Variants in KCNH8 observed in about 807,000 individuals in gnomAD.
The protein encoded by KCNH8 is potassium voltage-gated channel subfamily H member 8, also known as voltage-gated delayed rectifier potassium channel KCNH8.
Under a neutral mutation model 103.6 loss-of-function variants are expected in KCNH8, and 70 were observed. That is an observed-to-expected ratio of 0.68 (90% CI 0.56 to 0.82). The LOEUF is 0.82. KCNH8 is among the 40% of genes least tolerant of loss of function. The probability of loss-of-function intolerance (pLI) is 0.00; values close to 1 mark genes in which losing one functional copy is unlikely to be tolerated. For synonymous variants in KCNH8, 498 were observed against 489.4 expected (o/e 1.02, Z -0.23); for missense variants, 1,217 against 1,329.9 (o/e 0.92, Z 1.32).
At chr3:19,508,652 C>A (rs1553607048) in intron 11 of KCNH8, among the ~76,000 whole-genome samples, 1 of 152,126 alleles carries the variant, frequency 6.6e-6, no homozygotes, top group Non-Finnish European at 1.5e-5. Flanking sequence ...TCTTACTACT[C>A]AAAATGTGTC....
intron 2 of KCNH8, among the ~76,000 whole-genome samples, chr3:19,267,969 A>G (rs2064536229): frequency 1.3e-5 from 2 of 152,162 alleles, no homozygotes; most frequent in Non-Finnish European, 2.9e-5. Flanking sequence ...ATATGTGCTC[A>G]GTAAGTGTTA....
chr3:19,377,013 A>G (rs567228854), intron 5 of KCNH8, among the ~76,000 whole-genome samples: 1 of 152,362 alleles, frequency 6.6e-6, no homozygotes, highest in Admixed American at 6.5e-5. Flanking sequence ...GAGGGTAGAC[A>G]GAATGTCCTT....
intron 11 of KCNH8, among the ~76,000 whole-genome samples, chr3:19,472,593 G>C (rs1257904861): frequency 6.6e-6 from 1 of 152,092 alleles, no homozygotes; most frequent in Admixed American, 6.6e-5. Flanking sequence ...AGCCATGTGG[G>C]ACTGTAAGTC....
At position 19,532,367 on chromosome 3, in the gene KCNH8, G is replaced by A. The variant is rs78160851; in HGVS notation, c.2620-1028G>A. On this transcript the variant is annotated intron_variant, in intron 15 of 15. Transcript: ENST00000328405. Reference sequence around the variant, plus strand: ...CCCTGCAGTGCTTATCTCTACTTACGCACCTTGCAGGTCTTTTTCTTTCTT... The same window carrying A: ...CCCTGCAGTGCTTATCTCTACTTACACACCTTGCAGGTCTTTTTCTTTCTT... 3.5e-3 allele frequency among the ~76,000 whole-genome samples: 533 copies of A among 152,210 alleles called. 7 individuals are homozygous for A. The highest frequency in any genetic ancestry group is 0.012 in the African/African-American group (509 of 41,552).
intron 1 of KCNH8, among the ~76,000 whole-genome samples, chr3:19,212,459 A>C (rs2063780322): frequency 6.6e-6 from 1 of 152,330 alleles, no homozygotes; most frequent in South Asian, 2.1e-4. Context: ...CACAGCCAGC[A>C]CTATGTATTT....
intron 5 of KCNH8, among the ~76,000 whole-genome samples, chr3:19,371,736 G>C (rs1477799900): frequency 8.1e-6 from 1 of 124,188 alleles, no homozygotes; most frequent in African/African-American, 3.6e-5. Flanking sequence ...GGGTTTTTAT[G>C]GTTTTAGGTC....
At chr3:19,229,682 C>T (rs2125237157) in intron 1 of KCNH8, among the ~76,000 whole-genome samples, 1 of 152,328 alleles carries the variant, frequency 6.6e-6, no homozygotes, top group East Asian at 1.9e-4. Flanking sequence ...TTCCCCTCCT[C>T]ATCTCCATCT....
chr3:19,222,612 A>G (rs770968936), intron 1 of KCNH8, among the ~76,000 whole-genome samples: 18 of 152,326 alleles, frequency 1.2e-4, no homozygotes, highest in Middle Eastern at 3.4e-3. Flanking sequence ...AGTGTGACAA[A>G]TAATACAAGC....
chr3:19,244,186 C>T (rs2064176227), intron 1 of KCNH8, among the ~76,000 whole-genome samples: 1 of 152,122 alleles, frequency 6.6e-6, no homozygotes, highest in African/African-American at 2.4e-5. Context: ...GTCACTTTCT[C>T]CTTAACTCTT....
At chr3:19,328,058 T>G (rs1029963496) in intron 3 of KCNH8, among the ~76,000 whole-genome samples, 7 of 152,188 alleles carry the variant, frequency 4.6e-5, no homozygotes, top group Admixed American at 2.0e-4. Context: ...CCATTACTTT[T>G]CCTAGAAGAA....
At chr3:19,396,965 G>C (rs759700223) in intron 7 of KCNH8, among the ~76,000 whole-genome samples, 21 of 151,762 alleles carry the variant, frequency 1.4e-4, no homozygotes, top group Admixed American at 3.9e-4. Context: ...TGTAAGTCTC[G>C]TCTGGTCTGA....
At chr3:19,468,559 TGAG>T (rs2067790578) in intron 11 of KCNH8, among the ~76,000 whole-genome samples, 1 of 152,172 alleles carries the variant, frequency 6.6e-6, no homozygotes, top group African/African-American at 2.4e-5. Context: ...AAAAGCAACA[TGAG>T]GAATTTAAGC....
At chr3:19,198,491 G>C (rs975620015) in intron 1 of KCNH8, among the ~76,000 whole-genome samples, 2 of 152,064 alleles carry the variant, frequency 1.3e-5, no homozygotes, top group Non-Finnish European at 2.9e-5. Flanking sequence ...TTAAAAAAAA[G>C]ATTTGGACCC....
intron 1 of KCNH8, among the ~76,000 whole-genome samples, chr3:19,239,561 A>G (rs2064108811): frequency 6.6e-6 from 1 of 152,180 alleles, no homozygotes; most frequent in Non-Finnish European, 1.5e-5. Context: ...ATATTTATTT[A>G]AAATATTAAT....
At chr3:19,271,636 A>G (rs1179442625) in intron 2 of KCNH8, among the ~76,000 whole-genome samples, 1 of 152,174 alleles carries the variant, frequency 6.6e-6, no homozygotes, top group Non-Finnish European at 1.5e-5. Flanking sequence ...TGCATATAAT[A>G]CTTCACAGCT....
chr3:19,321,185 G>T (rs2065345594), intron 3 of KCNH8, among the ~76,000 whole-genome samples: 1 of 151,700 alleles, frequency 6.6e-6, no homozygotes, highest in African/African-American at 2.4e-5. Flanking sequence ...ATTTTATTTA[G>T]TTCTGCCCTG....
intron 7 of KCNH8, among the ~76,000 whole-genome samples, chr3:19,424,737 C>G (rs2067001807): frequency 2.0e-5 from 3 of 152,004 alleles, no homozygotes; most frequent in Non-Finnish European, 4.4e-5. Flanking sequence ...ACAAGGAACT[C>G]AGGCAAATCA....
chr3:19,532,079 G>A (rs1020035743), intron 15 of KCNH8, among the ~76,000 whole-genome samples: 3 of 152,136 alleles, frequency 2.0e-5, no homozygotes, highest in African/African-American at 4.8e-5. Context: ...TTTTAGAAAA[G>A]CTACGTTTAA....
chr3:19,477,528 C>A (rs967856672), intron 11 of KCNH8, among the ~76,000 whole-genome samples: 1 of 151,654 alleles, frequency 6.6e-6, no homozygotes, highest in Non-Finnish European at 1.5e-5. Flanking sequence ...GCTCCAAATG[C>A]TTTCTCTCTG....
Sources: gnomAD v4.1 joint callset for allele counts (sites outside exome capture counted in the v4.1 genomes callset) on GRCh38, gnomAD v4.1.1 for gene constraint, MANE v1.5 for transcripts, NCBI Gene and HGNC (gene_info 2026-07-23, HGNC 2026-07-21) for gene names.